The following RABGAP1L variants were observed in gnomAD, a reference collection of about 807,000 sequenced individuals.
RABGAP1L encodes rab GTPase-activating protein 1-like.
In RABGAP1L, 63 loss-of-function variants were observed where a neutral mutation model predicts 137.7. That is an observed-to-expected ratio of 0.46 (90% CI 0.37 to 0.56). RABGAP1L has a LOEUF of 0.56. Among genes scored for constraint, RABGAP1L ranks in the 20% least tolerant of loss-of-function variants. The pLI is 0.00. For synonymous variants in RABGAP1L, 431 were observed against 433.7 expected (o/e 0.99, Z 0.08); for missense variants, 1,095 against 1,244.0 (o/e 0.88, Z 1.80).
intron 18 of RABGAP1L, chr1:174,800,345 G>C (rs1328221985): frequency 6.5e-7 from 1 of 1,550,270 alleles, no homozygotes; most frequent in Admixed American, 2.0e-5. Context: ...GGAAGAAGGG[G>C]TGCCCTGCCC....
intron 13 of RABGAP1L, among the ~76,000 whole-genome samples, chr1:174,603,282 T>C (rs890682649): frequency 6.6e-6 from 1 of 152,276 alleles, no homozygotes; most frequent in Middle Eastern, 3.4e-3. Flanking sequence ...ACTCTTGTTC[T>C]CTTTCTTTAC....
At chr1:174,227,444 G>A (rs2148492704) in intron 3 of RABGAP1L, among the ~76,000 whole-genome samples, 2 of 151,416 alleles carry the variant, frequency 1.3e-5, no homozygotes, top group South Asian at 4.2e-4. Flanking sequence ...CTCATGATCT[G>A]CCTGCCTGGG....
At chr1:174,690,435 A>G (rs1035941396) in intron 15 of RABGAP1L, among the ~76,000 whole-genome samples, 2 of 152,218 alleles carry the variant, frequency 1.3e-5, no homozygotes, top group African/African-American at 4.8e-5. Context: ...CTAGTATTAT[A>G]TTTATAATGT....
At position 174,380,704 on chromosome 1, in the gene RABGAP1L, G is replaced by A. The variant is rs1345972796; in HGVS notation, c.1559+9632G>A. Among the ~76,000 whole-genome samples the A allele has an allele frequency of 1.9e-3, 270 of 138,896 alleles. 2 individuals carry two copies. Among genetic ancestry groups the A allele is most frequent in the Admixed American group, 4.1e-3 (57 of 13,816 alleles). The allele number at this position is 138,896 out of a possible 152,430, so 91.1% of individuals were successfully genotyped here. A position where few individuals can be genotyped will look rare whatever the true frequency, so the allele number is the denominator to read the frequency against. On this transcript the variant is annotated intron_variant, in intron 12 of 25. Coordinates refer to ENST00000681986, the MANE Select transcript of RABGAP1L (RefSeq NM_001366446.1). ...TTTTTTCTTTATTAGTCTTGCTAGC[G>A]GTCTATCAATTTTGTTGATCCTTTC...
At chr1:174,623,018 A>G (rs1319212936) in intron 13 of RABGAP1L, among the ~76,000 whole-genome samples, 1 of 152,176 alleles carries the variant, frequency 6.6e-6, no homozygotes, top group African/African-American at 2.4e-5. Context: ...CTTTTCACTT[A>G]ATATTCTTCC....
chr1:174,176,732 A>T (rs867071273), intron 1 of RABGAP1L, among the ~76,000 whole-genome samples: 3 of 138,000 alleles, frequency 2.2e-5, no homozygotes, highest in African/African-American at 5.5e-5. Flanking sequence ...AAAAAAAAAA[A>T]AAAAAAAAAA....
chr1:174,446,706 T>C (rs954828979), intron 13 of RABGAP1L, among the ~76,000 whole-genome samples: 1 of 152,184 alleles, frequency 6.6e-6, no homozygotes, highest in African/African-American at 2.4e-5. Context: ...GAGCACTTGC[T>C]CAAAATAGAG....
intron 17 of RABGAP1L, among the ~76,000 whole-genome samples, chr1:174,738,916 C>A (rs1393263420): frequency 1.3e-5 from 2 of 152,230 alleles, no homozygotes; most frequent in African/African-American, 2.4e-5. Context: ...CTAATTAGGT[C>A]TCTTTGCCTT....
At chr1:174,686,526 A>T (rs1215723309) in intron 15 of RABGAP1L, among the ~76,000 whole-genome samples, 1 of 152,050 alleles carries the variant, frequency 6.6e-6, no homozygotes, top group Admixed American at 6.6e-5. Context: ...ATACCCAGTG[A>T]CATGGATGTT....
chr1:174,789,157 A>G (rs1026494390), intron 18 of RABGAP1L, among the ~76,000 whole-genome samples: 5 of 152,222 alleles, frequency 3.3e-5, no homozygotes, highest in African/African-American at 1.2e-4. Context: ...CCTCTTACCA[A>G]AAACCACAGT....
intron 19 of RABGAP1L, among the ~76,000 whole-genome samples, chr1:174,815,141 C>G (rs1018390046): frequency 3.9e-5 from 6 of 152,202 alleles, no homozygotes; most frequent in African/African-American, 1.4e-4. Context: ...CCTACCACCT[C>G]CCCGTTCCCC....
At chr1:174,976,268 C>A in intron 22 of RABGAP1L, 86 bp downstream of exon 22, 2 of 1,143,192 alleles carry the variant, frequency 1.7e-6, no homozygotes, top group Non-Finnish European at 2.5e-6. Flanking sequence ...AATTAAATTT[C>A]TTCTAAATCA....
intron 11 of RABGAP1L, among the ~76,000 whole-genome samples, chr1:174,364,216 T>C (rs1446119912): frequency 6.6e-6 from 1 of 150,650 alleles, no homozygotes; most frequent in Admixed American, 6.6e-5. Context: ...TGTTACTTAT[T>C]ATTGTTCTGT....
chr1:174,511,629 T>G (rs928167072), intron 13 of RABGAP1L, among the ~76,000 whole-genome samples: 7 of 151,560 alleles, frequency 4.6e-5, no homozygotes, highest in African/African-American at 1.7e-4. Flanking sequence ...TTCTTTTGTT[T>G]TTTTTTTTTT....
At chr1:174,549,292 A>G (rs114588940) in intron 13 of RABGAP1L, among the ~76,000 whole-genome samples, 2,600 of 152,260 alleles carry the variant, frequency 0.017, 66 homozygotes, top group African/African-American at 0.06. Flanking sequence ...TCCAGGGTAG[A>G]GTATTGTTTT....
chr1:174,214,914 G>C (rs1197180253), intron 1 of RABGAP1L, among the ~76,000 whole-genome samples: 1 of 152,138 alleles, frequency 6.6e-6, no homozygotes, highest in African/African-American at 2.4e-5. Context: ...AACTCTCCAG[G>C]ACGTTGGACT....
intron 14 of RABGAP1L, among the ~76,000 whole-genome samples, chr1:174,663,818 A>G (rs1004196022): frequency 2.0e-5 from 3 of 152,112 alleles, no homozygotes; most frequent in African/African-American, 4.8e-5. Context: ...TTCTTATTTC[A>G]TCTCTCATAC....
intron 11 of RABGAP1L, among the ~76,000 whole-genome samples, chr1:174,330,712 A>G (rs949248153): frequency 6.6e-6 from 1 of 152,254 alleles, no homozygotes; most frequent in Non-Finnish European, 1.5e-5. Flanking sequence ...ATTGAAAGAT[A>G]TATCATGTTC....
chr1:174,579,149 C>T (rs768580201), intron 13 of RABGAP1L, among the ~76,000 whole-genome samples: 1 of 151,834 alleles, frequency 6.6e-6, no homozygotes, highest in Non-Finnish European at 1.5e-5. Context: ...ATGTTGAGTA[C>T]AATGTTGTAA....
Sources: gnomAD v4.1 joint callset for allele counts (sites outside exome capture counted in the v4.1 genomes callset) on GRCh38, gnomAD v4.1.1 for gene constraint, MANE v1.5 for transcripts, NCBI Gene and HGNC (gene_info 2026-07-23, HGNC 2026-07-21) for gene names.